Variants in USP13 observed in about 807,000 individuals in gnomAD.
USP13 encodes the protein ubiquitin specific peptidase 13.
In USP13, 68 loss-of-function variants were observed where a neutral mutation model predicts 107.8. The ratio of observed to expected loss-of-function variants is 0.63; its 90% CI spans 0.52 to 0.77. The LOEUF (loss-of-function observed/expected upper bound fraction) is 0.77. USP13 is among the 30% of genes least tolerant of loss of function. USP13 has a pLI of 0.00. For missense variants in USP13, 945 were observed against 1,093.3 expected, an observed-to-expected ratio of 0.86 and a Z score of 1.91; for synonymous variants, 377 against 389.5, an observed-to-expected ratio of 0.97 and a Z score of 0.38.
chr3:179,745,012 T>G (rs1310228687), intron 12 of USP13, 31 bp from the exon 13 acceptor site: 1 of 1,613,196 alleles, frequency 6.2e-7, no homozygotes, highest in Non-Finnish European at 8.5e-7. Flanking sequence ...TAAGAGCGAT[T>G]GCAAGGTCTT....
At chr3:179,737,703 C>G (rs1231632878) in intron 10 of USP13, among the ~76,000 whole-genome samples, 2 of 152,196 alleles carry the variant, frequency 1.3e-5, no homozygotes, top group African/African-American at 2.4e-5. Context: ...TCCTTAGATG[C>G]CCAAATGCTG....
chr3:179,767,428 G>GTT (rs1431728738), intron 19 of USP13, among the ~76,000 whole-genome samples: 8 of 143,740 alleles, frequency 5.6e-5, no homozygotes, highest in Non-Finnish European at 7.7e-5. Flanking sequence ...GTTTTTTTTG[G>GTT]TTTTTTTTTT....
intron 19 of USP13, among the ~76,000 whole-genome samples, chr3:179,779,306 G>T (rs899648731): frequency 6.6e-6 from 1 of 151,858 alleles, no homozygotes; most frequent in Non-Finnish European, 1.5e-5. Flanking sequence ...GGCCGAGATG[G>T]GTGGATCATG....
intron 3 of USP13, among the ~76,000 whole-genome samples, chr3:179,694,602 G>C (rs1712221861): frequency 6.6e-6 from 1 of 151,770 alleles, no homozygotes; most frequent in Non-Finnish European, 1.5e-5. Context: ...CAGGAGTTCG[G>C]CAGCCTGGCC....
chr3:179,691,826 C>G (rs1386214316), intron 3 of USP13, among the ~76,000 whole-genome samples: 1 of 152,120 alleles, frequency 6.6e-6, no homozygotes, highest in Non-Finnish European at 1.5e-5. Flanking sequence ...CAAGTGACTA[C>G]TGATTTCTAT....
chr3:179,756,368 G>A (rs557050792), intron 15 of USP13, among the ~76,000 whole-genome samples: 105 of 152,148 alleles, frequency 6.9e-4, no homozygotes, highest in African/African-American at 2.5e-3. Flanking sequence ...CCGAGATTGC[G>A]CCACTGCATT....
chr3:179,654,597 A>G (rs549016678), intron 1 of USP13, among the ~76,000 whole-genome samples: 34 of 152,158 alleles, frequency 2.2e-4, no homozygotes, highest in African/African-American at 8.2e-4. Context: ...ATTTTTATCC[A>G]CCCACTTTAG....
chr3:179,687,914 C>G (rs1242487260), intron 2 of USP13, among the ~76,000 whole-genome samples: 1 of 152,018 alleles, frequency 6.6e-6, no homozygotes, highest in Non-Finnish European at 1.5e-5. Flanking sequence ...CTTTCTAACC[C>G]TCACTCTTAT....
chr3:179,708,809 C>T lies in USP13; in HGVS notation c.657C>T (p.Asn219=), dbSNP rs1312702317. ...GTGCCAGATGCGACCTGCGAGAAAACCTCTGGTTGAATCTGACTGACGGCT... is the reference window on the plus strand; with the variant it reads ...GTGCCAGATGCGACCTGCGAGAAAATCTCTGGTTGAATCTGACTGACGGCT... The part of the protein sequence containing the change: ...WKCARCDLRE[N]LWLNLTDGSV... Residue 219 remains asparagine (N), a synonymous_variant, in exon 6 of 21, where the codon AAC becomes AAT. Transcript: ENST00000263966. 2 of 1,614,034 alleles carry T rather than the reference C, an allele frequency of 1.2e-6. No homozygotes were observed. The highest frequency in any genetic ancestry group is 1.7e-6 in the Non-Finnish European group (2 of 1,180,028).
chr3:179,693,788 C>G (rs552129163), intron 3 of USP13, among the ~76,000 whole-genome samples: 6 of 152,222 alleles, frequency 3.9e-5, no homozygotes, highest in Non-Finnish European at 7.3e-5. Flanking sequence ...ATTCTCCTGC[C>G]TCAGCCTCCC....
At chr3:179,684,422 C>T (rs964172147) in intron 2 of USP13, among the ~76,000 whole-genome samples, 1 of 152,142 alleles carries the variant, frequency 6.6e-6, no homozygotes, top group Non-Finnish European at 1.5e-5. Context: ...GTGATCCTCC[C>T]ACCTCAGCCC....
At chr3:179,654,626 C>T (rs914336372) in intron 1 of USP13, among the ~76,000 whole-genome samples, 1 of 152,150 alleles carries the variant, frequency 6.6e-6, no homozygotes, top group African/African-American at 2.4e-5. Context: ...TGTCACCCGG[C>T]AGATCTCAAT....
At chr3:179,710,038 T>C (rs960340458) in intron 6 of USP13, among the ~76,000 whole-genome samples, 1 of 152,306 alleles carries the variant, frequency 6.6e-6, no homozygotes, top group Non-Finnish European at 1.5e-5. Flanking sequence ...TCAGGATTCT[T>C]TGGTTTCACA....
intron 10 of USP13, among the ~76,000 whole-genome samples, chr3:179,740,045 T>C (rs1321895038): frequency 1.3e-5 from 2 of 152,138 alleles, no homozygotes; most frequent in African/African-American, 4.8e-5. Context: ...TCTCATCCTG[T>C]GTTCTTCATA....
intron 3 of USP13, among the ~76,000 whole-genome samples, chr3:179,690,774 A>G (rs1000800056): frequency 6.6e-6 from 1 of 152,070 alleles, no homozygotes; most frequent in Non-Finnish European, 1.5e-5. Context: ...GAGTTTCACC[A>G]TGTTGCCCAG....
chr3:179,730,521 C>T (rs935681786), intron 9 of USP13, 95 bp from the exon 10 acceptor site: 6 of 1,035,850 alleles, frequency 5.8e-6, no homozygotes, highest in Non-Finnish European at 7.1e-6. Flanking sequence ...CTCCACCTAA[C>T]AGCAGTTGTA....
intron 1 of USP13, among the ~76,000 whole-genome samples, chr3:179,680,645 C>A (rs1361611665): frequency 2.6e-5 from 4 of 152,022 alleles, no homozygotes; most frequent in Non-Finnish European, 5.9e-5. Flanking sequence ...CAGGTTCAAG[C>A]GATTCTCCTG....
At chr3:179,774,223 A>T (rs926608887) in intron 19 of USP13, among the ~76,000 whole-genome samples, 7 of 152,018 alleles carry the variant, frequency 4.6e-5, no homozygotes, top group Non-Finnish European at 1.0e-4. Context: ...GAACTCACTT[A>T]TTACCAGGAG....
chr3:179,674,961 G>T (rs953999277), intron 1 of USP13, among the ~76,000 whole-genome samples: 2 of 152,114 alleles, frequency 1.3e-5, no homozygotes, highest in Non-Finnish European at 2.9e-5. Flanking sequence ...CGATCACAAG[G>T]TCAGGAGATT....
Sources: gnomAD v4.1 joint callset for allele counts (sites outside exome capture counted in the v4.1 genomes callset) on GRCh38, gnomAD v4.1.1 for gene constraint, MANE v1.5 for transcripts, NCBI Gene and HGNC (gene_info 2026-07-23, HGNC 2026-07-21) for gene names.